TESK2: variants seen among roughly 807,000 people sequenced by gnomAD.
The protein encoded by TESK2 is testis associated actin remodelling kinase 2.
TESK2 carries 39 observed loss-of-function variants against 57.1 expected under a neutral mutation model. That is an observed-to-expected ratio of 0.68 (90% CI 0.53 to 0.89). The LOEUF (loss-of-function observed/expected upper bound fraction) is 0.89, where lower values mean the gene tolerates loss of function less well. TESK2 is among the 40% of genes least tolerant of loss of function. The pLI, the probability that TESK2 is intolerant of heterozygous loss-of-function variation, is 0.00. For missense variants in TESK2, 646 were observed against 732.1 expected (o/e 0.88, Z 1.36); for synonymous variants, 249 against 267.9 (o/e 0.93, Z 0.69).
chr1:45,429,263 G>C (rs1650847099), intron 2 of TESK2, among the ~76,000 whole-genome samples: 1 of 152,088 alleles, frequency 6.6e-6, no homozygotes, highest in Non-Finnish European at 1.5e-5. Flanking sequence ...AGGCGTGATG[G>C]TGCGTGTCTG....
chr1:45,415,445 G>T, intron 3 of TESK2: 1 of 636,292 alleles, frequency 1.6e-6, no homozygotes, highest in Non-Finnish European at 2.8e-6. Context: ...CATAATCTTT[G>T]TGCTTTCGCT....
At chr1:45,368,249 C>A (rs1396789363) in intron 4 of TESK2, among the ~76,000 whole-genome samples, 4 of 152,114 alleles carry the variant, frequency 2.6e-5, no homozygotes, top group Non-Finnish European at 4.4e-5. Flanking sequence ...CCCATCTTGG[C>A]CTCCCGAAGT....
intron 4 of TESK2, among the ~76,000 whole-genome samples, chr1:45,383,545 T>C (rs898836194): frequency 3.9e-5 from 6 of 152,224 alleles, no homozygotes; most frequent in Admixed American, 2.6e-4. Context: ...AAGTACAACA[T>C]GGCCAAGAGA....
chr1:45,449,684 A>G (rs1340618156), intron 2 of TESK2, among the ~76,000 whole-genome samples: 1 of 152,314 alleles, frequency 6.6e-6, no homozygotes, highest in African/African-American at 2.4e-5. Flanking sequence ...GTTTTGATGC[A>G]CACGTACAAG....
At chr1:45,455,463 T>C (rs1652053567) in intron 2 of TESK2, among the ~76,000 whole-genome samples, 1 of 152,206 alleles carries the variant, frequency 6.6e-6, no homozygotes, top group Admixed American at 6.5e-5. Context: ...TTACGGGAGA[T>C]GAATTTGAGG....
At chr1:45,426,742 T>C (rs1025596654) in intron 2 of TESK2, among the ~76,000 whole-genome samples, 1 of 151,916 alleles carries the variant, frequency 6.6e-6, no homozygotes, top group East Asian at 1.9e-4. Context: ...CAAACAACTC[T>C]ATAGGAAAAA....
chr1:45,458,683 A>C (rs999622499), intron 1 of TESK2, among the ~76,000 whole-genome samples: 9 of 152,066 alleles, frequency 5.9e-5, no homozygotes, highest in African/African-American at 2.2e-4. Context: ...ATTAATTCCA[A>C]ATATATAAAA....
chr1:45,449,869 AT>A (rs1651802938), intron 2 of TESK2, among the ~76,000 whole-genome samples: 1 of 152,148 alleles, frequency 6.6e-6, no homozygotes, highest in Non-Finnish European at 1.5e-5. Flanking sequence ...TCTAAATACA[AT>A]TTTTTAATTA....
At position 45,436,181 on chromosome 1, in the gene TESK2, C is replaced by CTTTTTTTTTT. The variant is rs1170732475; in HGVS notation, c.223-14345_223-14336dup. 2.8e-3 allele frequency among the ~76,000 whole-genome samples: 161 copies of CTTTTTTTTTT among 56,600 alleles called. 32 individuals carry two copies. Among genetic ancestry groups the CTTTTTTTTTT allele is most frequent in the African/African-American group, 6.2e-3 (106 of 16,968 alleles). 37.1% of individuals were successfully genotyped at this position (56,600 alleles called of 152,430 possible). A position where few individuals can be genotyped will look rare whatever the true frequency, so the allele number is the denominator to read the frequency against. ...CTGTGAAAAATGACATTGGTATCTT[C>CTTTTTTTTTT]TTTTTTTTTTTTTTTTTTTTTGAGA... On this transcript the variant is annotated intron_variant, in intron 2 of 10. Transcript: ENST00000372086.
intron 4 of TESK2, among the ~76,000 whole-genome samples, chr1:45,368,721 G>C (rs1236865129): frequency 6.6e-6 from 1 of 151,770 alleles, no homozygotes; most frequent in African/African-American, 2.4e-5. Context: ...TTGTTGCCCA[G>C]GTGTGAGCCA....
intron 3 of TESK2, among the ~76,000 whole-genome samples, chr1:45,419,375 A>G (rs1650371872): frequency 6.6e-6 from 1 of 152,214 alleles, no homozygotes; most frequent in Non-Finnish European, 1.5e-5. Flanking sequence ...TAGTTAATTT[A>G]TTAGTTCTCT....
chr1:45,346,286 G>A (rs1647142776), intron 9 of TESK2, among the ~76,000 whole-genome samples: 1 of 152,132 alleles, frequency 6.6e-6, no homozygotes, highest in Admixed American at 6.5e-5. Context: ...TTTCTGGGAG[G>A]TATCTGAACA....
chr1:45,357,462 G>T lies in TESK2; in HGVS notation c.394-2013C>A, dbSNP rs77946814. Among the ~76,000 whole-genome samples, 110 of 151,392 alleles carry T rather than the reference G, an allele frequency of 7.3e-4. 2 individuals carry two copies. In the East Asian group the frequency reaches 0.014, roughly 19 times the overall value. ...ACGAGTAAGACTGAAGTGAACAGAG[G>T]AAAGAGTAGCAGATAAGGTTATGGA... is the stretch of plus-strand genomic sequence containing the variant. On this transcript the variant is annotated intron_variant, in intron 4 of 10. Transcript: ENST00000372086.
At chr1:45,488,592 A>C (rs890023221) in intron 1 of TESK2, among the ~76,000 whole-genome samples, 1 of 152,200 alleles carries the variant, frequency 6.6e-6, no homozygotes, top group Non-Finnish European at 1.5e-5. Context: ...ATCCTTGTCC[A>C]CAGTACTCTC....
In TESK2 at chr1:45,347,997, AGT is replaced by A. The variant is rs763336916; in HGVS notation, c.542_543del (p.Asn181MetfsTer7). The A allele has an allele frequency of 1.9e-5, 30 of 1,610,236 alleles. No individual in the cohort carries two copies. Among genetic ancestry groups the A allele is most frequent in the Non-Finnish European group, 2.6e-5 (30 of 1,176,456 alleles). On this transcript the variant is annotated frameshift_variant and splice_region_variant, in exon 6 of 11. Transcript: ENST00000372086. LOFTEE classifies it high-confidence loss of function. Reference sequence around the variant, plus strand: ...CCATTCTCATCCCTCTTTATCAGGCAGTTCTAGGGTTCCCAGGAAGGAAGAGA... The same window carrying A: ...CCATTCTCATCCCTCTTTATCAGGCATCTAGGGTTCCCAGGAAGGAAGAGA... The part of the protein sequence containing the change: ...GIFHRDLTSK[N>X]CLIKRDENGY...
intron 4 of TESK2, among the ~76,000 whole-genome samples, chr1:45,356,407 G>A (rs925740789): frequency 2.0e-5 from 3 of 151,994 alleles, no homozygotes; most frequent in East Asian, 3.9e-4. Flanking sequence ...GTAGAGGATC[G>A]CTTGAGCTCA....
At chr1:45,384,620 T>A (rs1454917454) in intron 4 of TESK2, among the ~76,000 whole-genome samples, 3 of 138,720 alleles carry the variant, frequency 2.2e-5, no homozygotes, top group Admixed American at 1.4e-4. Context: ...TTTTTTTTTT[T>A]TTTTTTGTAG....
intron 3 of TESK2, among the ~76,000 whole-genome samples, chr1:45,404,199 C>T (rs72892542): frequency 0.05 from 7,569 of 152,186 alleles, 668 homozygotes; most frequent in African/African-American, 0.17. Flanking sequence ...CTCCCTCTCC[C>T]AAAGTGAATG....
At chr1:45,383,186 G>C (rs180761197) in intron 4 of TESK2, among the ~76,000 whole-genome samples, 282 of 152,302 alleles carry the variant, frequency 1.9e-3, no homozygotes, top group Admixed American at 3.1e-3. Flanking sequence ...TTTGGTGAAT[G>C]TCATCTAAGT....
Sources: gnomAD v4.1 joint callset for allele counts (sites outside exome capture counted in the v4.1 genomes callset) on GRCh38, gnomAD v4.1.1 for gene constraint, MANE v1.5 for transcripts, NCBI Gene and HGNC (gene_info 2026-07-23, HGNC 2026-07-21) for gene names.